The following LCMT1 variants were observed in gnomAD, a reference collection of about 807,000 sequenced individuals.
LCMT1 encodes [Phosphatase 2A protein]-leucine-carboxy methyltransferase 1.
Under a neutral mutation model 47.7 loss-of-function variants are expected in LCMT1, and 32 were observed. That is an observed-to-expected ratio of 0.67 (90% CI 0.51 to 0.90). The LOEUF is 0.90. Ranked by LOEUF, LCMT1 falls within the 40% of genes least tolerant of loss-of-function variation. LCMT1 has a pLI of 0.00. For missense variants in LCMT1, 375 were observed against 415.2 expected (o/e 0.90, Z 0.84); for synonymous variants, 152 against 149.7 (o/e 1.02, Z -0.11).
In LCMT1 at chr16:25,116,692, G is replaced by A. The variant is rs114140385; in HGVS notation, c.113+4696G>A. On this transcript the variant is annotated intron_variant, in intron 1 of 10. Coordinates refer to ENST00000399069, the MANE Select transcript of LCMT1 (RefSeq NM_016309.3). ...GCTCAGGAGTTCAAGACCAGCCTGG[G>A]CAACATGGAGAAACCTCCTCTCCAC... Among the ~76,000 whole-genome samples, 437 of 144,924 alleles carry A rather than the reference G, an allele frequency of 3.0e-3. 1 individual carries two copies. Among genetic ancestry groups the A allele is most frequent in the African/African-American group, 0.011 (422 of 37,806 alleles).
intron 2 of LCMT1, among the ~76,000 whole-genome samples, chr16:25,131,120 G>A (rs957628366): frequency 1.1e-4 from 16 of 152,368 alleles, no homozygotes; most frequent in African/African-American, 3.6e-4. Flanking sequence ...TTGACCAAAT[G>A]ACTATAATTC....
At chr16:25,114,401 T>C (rs773507316) in intron 1 of LCMT1, among the ~76,000 whole-genome samples, 7 of 152,186 alleles carry the variant, frequency 4.6e-5, no homozygotes, top group Non-Finnish European at 7.3e-5. Context: ...TTATCATCAT[T>C]GTGATCCTGG....
At chr16:25,164,479 C>G (rs994514006) in intron 6 of LCMT1, 119 bp from the exon 7 acceptor site, 1 of 1,184,974 alleles carries the variant, frequency 8.4e-7, no homozygotes, top group East Asian at 2.4e-5. Context: ...TGTGCTTGCT[C>G]AGGCCTTCTG....
At position 25,161,306 on chromosome 16, in the gene LCMT1, T is replaced by C. The variant is rs567873167; in HGVS notation, c.569+102T>C. On this transcript the variant is annotated intron_variant, in intron 6 of 10. Transcript: ENST00000399069. Reference sequence around the variant, plus strand: ...AGCATGATATTCATGTTCCATTTTTTATTCTTTAAGAGTTTTATCATTTCA... The same window carrying C: ...AGCATGATATTCATGTTCCATTTTTCATTCTTTAAGAGTTTTATCATTTCA... 1.1e-4 allele frequency: 68 copies of C among 594,778 alleles called. No individual in the cohort carries two copies. The African/African-American group carries it at 1.2e-3, about 11-fold the overall frequency. The allele number at this position is 594,778 out of a possible 1,614,324, so 36.8% of individuals were successfully genotyped here.
chr16:25,168,461 TTAAAAAG>T (rs1205180956), intron 7 of LCMT1, among the ~76,000 whole-genome samples: 16 of 152,310 alleles, frequency 1.1e-4, no homozygotes, highest in African/African-American at 3.1e-4. Context: ...TTTTTGTAAT[TTAAAAAG>T]TAATACCATA....
intron 1 of LCMT1, among the ~76,000 whole-genome samples, chr16:25,120,731 G>GTTTTTTTTTT (rs1434579218): frequency 7.5e-5 from 10 of 132,460 alleles, no homozygotes; most frequent in African/African-American, 2.6e-4. Context: ...ACCTGGCCTT[G>GTTTTTTTTTT]TTTTTTTGTT....
chr16:25,147,803 CT>C, intron 4 of LCMT1: 1 of 152,278 alleles, frequency 6.6e-6, no homozygotes, highest in Middle Eastern at 3.4e-3. Flanking sequence ...GCGATCCTCA[CT>C]TTAGCCTTCT....
chr16:25,140,564 G>T, intron 4 of LCMT1: 1 of 319,272 alleles, frequency 3.1e-6, no homozygotes, highest in Non-Finnish European at 5.9e-6. Context: ...GACAGCAGAG[G>T]CACAAGGACT....
intron 3 of LCMT1, among the ~76,000 whole-genome samples, chr16:25,137,956 A>C (rs1239060001): frequency 6.6e-6 from 1 of 151,938 alleles, no homozygotes; most frequent in Admixed American, 6.6e-5. Context: ...CCCGGGATTC[A>C]TCTGTCCCTC....
chr16:25,129,370 T>C (rs1411860698), intron 2 of LCMT1, among the ~76,000 whole-genome samples: 1 of 152,188 alleles, frequency 6.6e-6, no homozygotes, highest in Non-Finnish European at 1.5e-5. Flanking sequence ...TTATTAAATT[T>C]AATGAATTCA....
chr16:25,160,836 G>T, intron 5 of LCMT1: 1 of 603,898 alleles, frequency 1.7e-6, no homozygotes, highest in Non-Finnish European at 3.2e-6. Flanking sequence ...GTGTATGTGT[G>T]TGCGCACCAT....
intron 4 of LCMT1, chr16:25,143,356 A>T (rs1029091553): frequency 6.6e-6 from 1 of 152,162 alleles, no homozygotes; most frequent in Non-Finnish European, 1.5e-5. Context: ...TGTATGGTTC[A>T]TCTTAACTTT....
intron 2 of LCMT1, among the ~76,000 whole-genome samples, chr16:25,130,616 A>C (rs1960321898): frequency 6.6e-6 from 1 of 152,176 alleles, no homozygotes; most frequent in African/African-American, 2.4e-5. Flanking sequence ...ACTGCATTCT[A>C]TCCTGGGTGA....
chr16:25,165,369 T>G (rs1254980819), intron 7 of LCMT1, among the ~76,000 whole-genome samples: 1 of 152,228 alleles, frequency 6.6e-6, no homozygotes, highest in Non-Finnish European at 1.5e-5. Context: ...GGTTGAATCC[T>G]GGCCCTGGCT....
intron 6 of LCMT1, among the ~76,000 whole-genome samples, chr16:25,163,839 T>C (rs902509409): frequency 1.3e-5 from 2 of 152,196 alleles, no homozygotes; most frequent in Non-Finnish European, 2.9e-5. Flanking sequence ...AGTTTCTTGT[T>C]GGGCTTAGCT....
At chr16:25,175,469 CAAA>C (rs35504714) in intron 10 of LCMT1, among the ~76,000 whole-genome samples, 1 of 134,934 alleles carries the variant, frequency 7.4e-6, no homozygotes, top group Non-Finnish European at 1.6e-5. Context: ...ACTAAAAATA[CAAA>C]AAAAAAAAAA....
intron 6 of LCMT1, among the ~76,000 whole-genome samples, chr16:25,164,386 A>G (rs1961524777): frequency 6.6e-6 from 1 of 152,096 alleles, no homozygotes; most frequent in Non-Finnish European, 1.5e-5. Flanking sequence ...TGCCACACAA[A>G]TCATTTCTCA....
At chr16:25,161,261 A>G in intron 6 of LCMT1, 57 bp downstream of exon 6, 1 of 915,650 alleles carries the variant, frequency 1.1e-6, no homozygotes, top group South Asian at 1.5e-5. Context: ...TAATTATGAG[A>G]TAAGGCCAGT....
intron 3 of LCMT1, among the ~76,000 whole-genome samples, chr16:25,139,770 G>T (rs1351212868): frequency 2.6e-5 from 4 of 151,958 alleles, no homozygotes; most frequent in African/African-American, 9.7e-5. Flanking sequence ...GGCCTCAAAC[G>T]ATCCTCCTGC....
Sources: allele counts gnomAD v4.1 joint callset (sites outside exome capture counted in the v4.1 genomes callset), GRCh38; gene constraint gnomAD v4.1.1; transcripts MANE v1.5; gene names NCBI Gene and HGNC (gene_info 2026-07-23, HGNC 2026-07-21).